The following RSPH14 variants were observed in gnomAD, a reference collection of about 807,000 sequenced individuals.
RSPH14 encodes radial spoke head 14 homolog.
A neutral mutation model predicts 26.7 loss-of-function variants in RSPH14; 20 were observed. The ratio of observed to expected loss-of-function variants is 0.75; its 90% CI spans 0.53 to 1.09. RSPH14 has a LOEUF of 1.09. RSPH14 is among the 50% of genes least tolerant of loss of function. The probability of loss-of-function intolerance (pLI) is 0.00; values close to 1 mark genes in which losing one functional copy is unlikely to be tolerated. For missense variants in RSPH14, 449 were observed against 457.2 expected (o/e 0.98, Z 0.16); for synonymous variants, 177 against 189.3 (o/e 0.93, Z 0.53).
At chr22:23,145,084 G>T (rs1389555827), upstream of RSPH14, 1 of 503,004 alleles carries the variant, frequency 2.0e-6, no homozygotes, top group Non-Finnish European at 3.6e-6. Flanking sequence ...TTCTGCAGCT[G>T]CAGGGTGCTT....
the RSPH14 span, among the ~76,000 whole-genome samples, chr22:23,165,176 C>T: frequency 1.3e-5 from 2 of 152,334 alleles, no homozygotes; most frequent in South Asian, 4.1e-4. Flanking sequence ...GAAGGGCCCA[C>T]AGTAGGTGCT....
At chr22:23,158,243 C>T in the RSPH14 span, among the ~76,000 whole-genome samples, 1 of 152,184 alleles carries the variant, frequency 6.6e-6, no homozygotes, top group Admixed American at 6.5e-5. Flanking sequence ...CTGGAGGAGC[C>T]AGCACATGAG....
rs530763399 is a variant in RSPH14, at chr22:23,081,391, A to T, written c.422-17258T>A. ...TATCTGAGTTAAGTGAAAATAAAGT[A>T]CACGTGTGTCATTTCTTAGGTCTTC... is the stretch of plus-strand genomic sequence containing the variant. On this transcript the variant is annotated intron_variant, in intron 4 of 6. Transcript: ENST00000216036. Among the ~76,000 whole-genome samples, 269 of 152,340 alleles carry T rather than the reference A, an allele frequency of 1.8e-3. 1 individual carries two copies. Among genetic ancestry groups the T allele is most frequent in the African/African-American group, 4.8e-3 (201 of 41,574 alleles).
intron 4 of RSPH14, among the ~76,000 whole-genome samples, chr22:23,111,374 C>G (rs960107916): frequency 6.6e-6 from 1 of 152,194 alleles, no homozygotes; most frequent in Non-Finnish European, 1.5e-5. Context: ...GCACTGGACT[C>G]GGTTCCGCCT....
At chr22:23,125,278 G>T (rs958893792) in intron 4 of RSPH14, among the ~76,000 whole-genome samples, 1 of 152,066 alleles carries the variant, frequency 6.6e-6, no homozygotes, top group Non-Finnish European at 1.5e-5. Context: ...AGGTCTGGGG[G>T]TGATGATGAC....
the RSPH14 span, chr22:23,153,030 C>A: frequency 6.2e-7 from 1 of 1,611,918 alleles, no homozygotes; most frequent in Non-Finnish European, 8.5e-7. Flanking sequence ...TCATCCCCCA[C>A]AGGTTTTGCA....
At chr22:23,146,619 G>T, upstream of RSPH14, 1 of 1,614,044 alleles carries the variant, frequency 6.2e-7, no homozygotes, top group South Asian at 1.1e-5. Flanking sequence ...GTGGAAGAAT[G>T]AGGTCCTCCC....
At chr22:23,145,462 T>C, upstream of RSPH14, 1 of 1,610,018 alleles carries the variant, frequency 6.2e-7, no homozygotes, top group Non-Finnish European at 8.5e-7. Flanking sequence ...AGCCCGCAGG[T>C]CCCGCGTGGC....
rs117158573 is a variant in RSPH14 at position 23,063,952 on chromosome 22, G to A, written c.603C>T (p.Ser201=). ...VVLVLKQKLL[S]ANQNIRSKAA... ...CCTTGCTGCGGATGTTCTGGTTGGC[G>A]CTGAGGAGCTTCTGCTTCAGGACAA... The change falls in exon 5 of 7, where the codon AGC becomes AGT. Residue 201 remains serine (S), a synonymous_variant. Transcript: ENST00000216036. 793 of 1,614,160 alleles carry A rather than the reference G, an allele frequency of 4.9e-4. 1 individual carries two copies. The East Asian group carries it at 5.4e-3, about 11-fold the overall frequency.
the RSPH14 span, among the ~76,000 whole-genome samples, chr22:23,154,149 ACCTGGAGAAT>A: frequency 1.3e-5 from 2 of 148,790 alleles, no homozygotes; most frequent in Non-Finnish European, 3.0e-5. Flanking sequence ...CTGCCCCGGC[ACCTGGAGAAT>A]GCTGCAGGCC....
chr22:23,103,959 G>A (rs1293923166), intron 4 of RSPH14, among the ~76,000 whole-genome samples: 1 of 152,222 alleles, frequency 6.6e-6, no homozygotes, highest in Non-Finnish European at 1.5e-5. Context: ...TAGGTGCAGA[G>A]AAGCCAGGAA....
At chr22:23,096,034 C>A in intron 4 of RSPH14, 1 of 1,607,010 alleles carries the variant, frequency 6.2e-7, no homozygotes, top group Non-Finnish European at 8.5e-7. Context: ...TGACGGGCCC[C>A]GCTGAGAGCA....
At chr22:23,134,239 G>T in intron 3 of RSPH14, 95 bp from the exon 4 acceptor site, 1 of 880,690 alleles carries the variant, frequency 1.1e-6, no homozygotes, top group Non-Finnish European at 1.8e-6. Flanking sequence ...TCTGATCCAT[G>T]CTATCTGGGG....
chr22:23,069,821 G>A (rs1391297465), intron 4 of RSPH14, among the ~76,000 whole-genome samples: 1 of 152,134 alleles, frequency 6.6e-6, no homozygotes, highest in Admixed American at 6.5e-5. Context: ...CTGAAGGATT[G>A]GTGAGACAAT....
At chr22:23,120,897 T>C (rs6003515) in intron 4 of RSPH14, among the ~76,000 whole-genome samples, 9,360 of 152,260 alleles carry the variant, frequency 0.061, 988 homozygotes, top group African/African-American at 0.21. Flanking sequence ...AATGGTCATA[T>C]CTGTTATTTA....
chr22:23,098,689 C>T (rs924779646), intron 4 of RSPH14, among the ~76,000 whole-genome samples: 3 of 152,270 alleles, frequency 2.0e-5, no homozygotes, highest in Admixed American at 2.0e-4. Context: ...TCACTGGATT[C>T]CAAATGATTC....
intron 1 of RSPH14, 48 bp from the exon 2 acceptor site, chr22:23,140,520 C>A: frequency 6.6e-7 from 1 of 1,504,620 alleles, no homozygotes. Context: ...GATTTAAAAG[C>A]TACTTCTCAT....
chr22:23,123,061 T>G (rs765858766), intron 4 of RSPH14: 2 of 1,516,444 alleles, frequency 1.3e-6, no homozygotes, highest in South Asian at 2.3e-5. Context: ...CGGGCCTGAT[T>G]AACGCCAGTA....
intron 4 of RSPH14, among the ~76,000 whole-genome samples, chr22:23,130,092 AAAGAAAG>A (rs2070294860): frequency 6.0e-5 from 2 of 33,238 alleles, no homozygotes; most frequent in African/African-American, 1.8e-4. Flanking sequence ...AGGAAGAAAG[AAAGAAAG>A]AAAGAAAGAA....
Sources: allele counts gnomAD v4.1 joint callset (sites outside exome capture counted in the v4.1 genomes callset), GRCh38; gene constraint gnomAD v4.1.1; transcripts MANE v1.5; gene names NCBI Gene and HGNC (gene_info 2026-07-23, HGNC 2026-07-21).